The following INSL6 variants were observed in gnomAD, a reference collection of about 807,000 sequenced individuals.
INSL6 encodes insulin like 6, also known as insulin-like peptide INSL6.
A neutral mutation model predicts 9.4 loss-of-function variants in INSL6; 16 were observed. The ratio of observed to expected loss-of-function variants is 1.70; its 90% CI spans 1.15 to 2.59. The LOEUF (loss-of-function observed/expected upper bound fraction) is 2.59. Ranked by LOEUF, INSL6 falls within the 30% of genes most tolerant of loss-of-function variation. INSL6 has a pLI of 0.00. For missense variants in INSL6, 391 were observed against 257.3 expected (o/e 1.52, Z -3.56); for synonymous variants, 154 against 96.9 (o/e 1.59, Z -3.46).
At chr9:4,998,740 A>C in the INSL6 span, among the ~76,000 whole-genome samples, 1 of 139,206 alleles carries the variant, frequency 7.2e-6, no homozygotes, top group Non-Finnish European at 1.6e-5. Context: ...ACCACAAAAA[A>C]CAAAAAAAAA....
chr9:5,081,109 A>C, the INSL6 span, among the ~76,000 whole-genome samples: 1 of 151,692 alleles, frequency 6.6e-6, no homozygotes, highest in Non-Finnish European at 1.5e-5. Flanking sequence ...GTTAGCCAGG[A>C]TGGTCTCGAT....
chr9:4,996,402 C>G, the INSL6 span, among the ~76,000 whole-genome samples: 2 of 151,812 alleles, frequency 1.3e-5, no homozygotes, highest in Non-Finnish European at 2.9e-5. Context: ...GAGCTGAGAT[C>G]GTGCCATTGC....
chr9:5,128,131 A>C (rs1824125523), intron 3 of INSL6: 1 of 230,600 alleles, frequency 4.3e-6, no homozygotes, highest in Non-Finnish European at 8.5e-6. Context: ...TTATTTATAC[A>C]AAACTTAAAA....
the INSL6 span, chr9:5,054,929 A>C: frequency 1.5e-5 from 21 of 1,358,334 alleles, no homozygotes; most frequent in Non-Finnish European, 2.1e-5. This position sits in a 1 kb window ranked among gnomAD's most constrained non-coding sequence, Gnocchi z 4.9. Context: ...TTTTAAGTAC[A>C]ATGGAAATAA....
intron 1 of INSL6, among the ~76,000 whole-genome samples, chr9:5,176,719 C>CA (rs34357993): frequency 0.013 from 1,603 of 125,318 alleles, 16 homozygotes; most frequent in South Asian, 0.021. Context: ...GAAATCAAAG[C>CA]AAAAAAAAAA....
At chr9:5,154,918 G>A (rs1016049834) in intron 2 of INSL6, among the ~76,000 whole-genome samples, 35 of 152,084 alleles carry the variant, frequency 2.3e-4, no homozygotes, top group Admixed American at 1.4e-3. Flanking sequence ...TCAGTGTGGC[G>A]ATTCCTCAGG....
At chr9:5,120,797 G>T (rs1312120314), downstream of INSL6, among the ~76,000 whole-genome samples, 1 of 152,174 alleles carries the variant, frequency 6.6e-6, no homozygotes, top group Non-Finnish European at 1.5e-5. Context: ...ACACTGGAGT[G>T]AAAGATGCGT....
At chr9:5,087,504 A>C in the INSL6 span, among the ~76,000 whole-genome samples, 3 of 152,186 alleles carry the variant, frequency 2.0e-5, no homozygotes, top group Non-Finnish European at 4.4e-5. Context: ...TCCTGGTCCT[A>C]TCTCAAACCC....
At chr9:5,060,310 C>A in the INSL6 span, among the ~76,000 whole-genome samples, 1 of 152,140 alleles carries the variant, frequency 6.6e-6, no homozygotes, top group Non-Finnish European at 1.5e-5. Context: ...ATGACATTTA[C>A]TGCATCAGTA....
At chr9:5,071,595 C>G in the INSL6 span, among the ~76,000 whole-genome samples, 3 of 152,098 alleles carry the variant, frequency 2.0e-5, no homozygotes, top group East Asian at 5.8e-4. Flanking sequence ...CAAGACAGAT[C>G]TGAAGAAATT....
the INSL6 span, among the ~76,000 whole-genome samples, chr9:5,002,739 A>G: frequency 1.3e-5 from 2 of 151,938 alleles, no homozygotes; most frequent in South Asian, 2.1e-4. Context: ...TTAGTGTAAT[A>G]GTTGTTTTAT....
chr9:5,143,104 G>T (rs1211249541), intron 2 of INSL6, among the ~76,000 whole-genome samples: 2 of 152,090 alleles, frequency 1.3e-5, no homozygotes, highest in African/African-American at 4.8e-5. Flanking sequence ...CCAGTATTTT[G>T]AGGATTTTTG....
chr9:5,151,134 T>C (rs573506461), intron 2 of INSL6, among the ~76,000 whole-genome samples: 22 of 152,108 alleles, frequency 1.4e-4, no homozygotes, highest in Non-Finnish European at 2.4e-4. Flanking sequence ...ATGGGTACAG[T>C]GTACACTATT....
the INSL6 span, among the ~76,000 whole-genome samples, chr9:5,000,712 G>C: frequency 3.0e-4 from 46 of 152,216 alleles, no homozygotes; most frequent in South Asian, 3.7e-3. Flanking sequence ...TTTCTCCGGT[G>C]TCTTAAAAAT....
At chr9:5,121,974 CAT>C (rs376680629), downstream of INSL6, among the ~76,000 whole-genome samples, 149 of 152,176 alleles carry the variant, frequency 9.8e-4, 1 homozygote, top group African/African-American at 3.5e-3. Context: ...TTGATAATAA[CAT>C]AACTAGATAT....
At chr9:5,171,273 C>A (rs1387768171) in intron 1 of INSL6, among the ~76,000 whole-genome samples, 1 of 152,076 alleles carries the variant, frequency 6.6e-6, no homozygotes, top group Non-Finnish European at 1.5e-5. Flanking sequence ...AAAGATCTTC[C>A]ATAAAATTCA....
At chr9:5,099,435 T>C in the INSL6 span, 1 of 152,220 alleles carries the variant, frequency 6.6e-6, no homozygotes, top group Non-Finnish European at 1.5e-5. Context: ...ACATGATCCA[T>C]TATTATCCTG....
At chr9:5,133,665 T>A (rs7035251) in intron 2 of INSL6, 56,559 of 151,658 alleles carry the variant, frequency 0.37, 11,911 homozygotes, top group African/African-American at 0.58. Context: ...ATCAACAAAA[T>A]GTCCACTCAG....
chr9:5,164,062 G>A lies in INSL6; in HGVS notation c.493C>T (p.His165Tyr). Reference sequence around the variant, plus strand: ...CCTCTGCGTTTTCTTTGGGGATGATGCCCCCAAAACAAATTGCTTAAGGTT... The same window carrying A: ...CCTCTGCGTTTTCTTTGGGGATGATACCCCCAAAACAAATTGCTTAAGGTT... Reference protein sequence around the residue: ...IKTLSNLFWGHHPQRKRRGYS... With the variant: ...IKTLSNLFWGYHPQRKRRGYS... Residue 165 changes from histidine to tyrosine, a missense_variant, in exon 2 of 2, where the codon CAT (histidine) becomes TAT (tyrosine). Coordinates refer to ENST00000381641, the MANE Select transcript of INSL6 (RefSeq NM_007179.3). The A allele has an allele frequency of 6.2e-7, 1 of 1,613,616 alleles. No individual in the cohort carries two copies. Among genetic ancestry groups the A allele is most frequent in the South Asian group, 1.1e-5 (1 of 91,032 alleles).
Sources: allele counts gnomAD v4.1 joint callset (sites outside exome capture counted in the v4.1 genomes callset), GRCh38; gene constraint gnomAD v4.1.1; non-coding constraint Gnocchi (gnomAD v3.1); transcripts MANE v1.5; gene names NCBI Gene and HGNC (gene_info 2026-07-23, HGNC 2026-07-21).